DMD: variants seen among roughly 807,000 people sequenced by gnomAD.
DMD encodes mutant dystrophin.
DMD carries 63 observed loss-of-function variants against 330.1 expected under a neutral mutation model. The ratio of observed to expected loss-of-function variants is 0.19; its 90% CI spans 0.16 to 0.24. The LOEUF is 0.24. Among genes scored for constraint, DMD ranks in the 10% least tolerant of loss-of-function variants. The pLI, the probability that DMD is intolerant of heterozygous loss-of-function variation, is 1.00. For synonymous variants in DMD, 1,223 were observed against 959.8 expected (o/e 1.27, Z -5.07); for missense variants, 3,344 against 2,684.1 (o/e 1.25, Z -5.43).
intron 4 of DMD, among the ~76,000 whole-genome samples, chrX:32,836,140 T>C (rs1376596766): frequency 1.0e-4 from 11 of 109,505 alleles, no homozygotes; most frequent in African/African-American, 3.7e-4. Flanking sequence ...CAAGTGATTC[T>C]CATGCCTCAG....
At position 32,527,602 on chromosome X, in the gene DMD, G is replaced by A. The variant is rs185835522; in HGVS notation, c.2169-9471C>T. Among the ~76,000 whole-genome samples, 19 of 109,548 alleles carry A rather than the reference G, an allele frequency of 1.7e-4. No homozygotes were observed. In the East Asian group the frequency reaches 5.2e-3, roughly 30 times the overall value. ...ATGGCATTTGCTTTAAAAAAAAATC[G>A]AGTAATAGAATACAAATTCAATTTG... On this transcript the variant is annotated intron_variant, in intron 17 of 78. Coordinates refer to ENST00000357033, the MANE Select transcript of DMD (RefSeq NM_004006.3).
chrX:32,907,216 C>A (rs1684468071), intron 2 of DMD, among the ~76,000 whole-genome samples: 5 of 111,909 alleles, frequency 4.5e-5, no homozygotes, highest in Admixed American at 3.8e-4. Context: ...GTACATTATT[C>A]ATGAAACTAC....
intron 55 of DMD, among the ~76,000 whole-genome samples, chrX:31,598,312 C>T (rs1464923130): frequency 9.0e-6 from 1 of 110,661 alleles, no homozygotes; most frequent in Admixed American, 9.7e-5. Context: ...TTGGTAGAGA[C>T]GGAGTCTTGC....
rs769057970 is a variant in DMD, at chrX:32,918,813, G to A, written c.94-68993C>T. On this transcript the variant is annotated intron_variant, in intron 2 of 78. Coordinates refer to ENST00000357033, the MANE Select transcript of DMD (RefSeq NM_004006.3). The stretch of plus-strand genomic sequence containing the variant: ...TTGAAGTACACATAATTGGAATGAG[G>A]AGAAGGACATTTGGAAAATAATTAC... Among the ~76,000 whole-genome samples, 3 of 112,307 alleles carry A rather than the reference G, an allele frequency of 2.7e-5. No homozygotes were observed. In the East Asian group the frequency reaches 8.4e-4, roughly 31 times the overall value.
At chrX:32,777,276 T>TTGGGGGGGGGGGGGGTTGG in intron 7 of DMD, among the ~76,000 whole-genome samples, 1 of 506 alleles carries the variant, frequency 2.0e-3, no homozygotes, top group East Asian at 0.25. Flanking sequence ...TGGTTTCTGG[T>TTGGGGGGGGGGGGGGTTGG]TGGGGGGGGA....
intron 1 of DMD, among the ~76,000 whole-genome samples, chrX:33,065,089 G>T (rs765832175): frequency 9.0e-6 from 1 of 111,162 alleles, no homozygotes; most frequent in East Asian, 2.8e-4. Flanking sequence ...AAACTTGCTC[G>T]ATTAGGTTTG....
chrX:31,456,905 T>G, intron 59 of DMD, among the ~76,000 whole-genome samples: 1 of 101,124 alleles, frequency 9.9e-6, no homozygotes, highest in Non-Finnish European at 2.0e-5. Flanking sequence ...ATACCTATCA[T>G]CCACTGGAAA....
intron 16 of DMD, among the ~76,000 whole-genome samples, chrX:32,560,352 C>A (rs918495693): frequency 9.0e-6 from 1 of 111,173 alleles, no homozygotes; most frequent in Non-Finnish European, 1.9e-5. Context: ...TTCAACAGCA[C>A]ATGTGATTTC....
intron 1 of DMD, among the ~76,000 whole-genome samples, chrX:33,139,946 T>C (rs2047716932): frequency 9.4e-6 from 1 of 106,202 alleles, no homozygotes; most frequent in Admixed American, 1.0e-4. Flanking sequence ...ATATTTTGTA[T>C]AAATAAATCC....
chrX:32,567,388 T>TA (rs2051852880), intron 15 of DMD, among the ~76,000 whole-genome samples: 1 of 111,553 alleles, frequency 9.0e-6, no homozygotes, highest in African/African-American at 3.3e-5. Flanking sequence ...GGTTTAGCAA[T>TA]AGGTAGGTGG....
At chrX:31,631,980 G>T (rs2079156348) in intron 54 of DMD, among the ~76,000 whole-genome samples, 1 of 111,599 alleles carries the variant, frequency 9.0e-6, no homozygotes, top group African/African-American at 3.3e-5. Context: ...ACGTGCCAAA[G>T]AAAGTGTTTA....
chrX:32,419,657 A>G (rs1312593956), intron 29 of DMD, among the ~76,000 whole-genome samples: 5 of 112,386 alleles, frequency 4.4e-5, no homozygotes, highest in South Asian at 3.7e-4. Context: ...AAAACTCAAA[A>G]GCCGTGAGCA....
intron 43 of DMD, among the ~76,000 whole-genome samples, chrX:32,219,884 T>G (rs1430159434): frequency 1.8e-5 from 2 of 112,178 alleles, no homozygotes; most frequent in African/African-American, 3.2e-5. Context: ...TATTGGTAAT[T>G]GCCATCCTCT....
At position 32,615,144 on chromosome X, in the gene DMD, T is replaced by A. The variant is rs954878792; in HGVS notation, c.1332-691A>T. Among the ~76,000 whole-genome samples the A allele has an allele frequency of 2.7e-5, 3 of 111,303 alleles. No homozygotes were observed. In the South Asian group the frequency reaches 1.1e-3, roughly 42 times the overall value. On this transcript the variant is annotated intron_variant, in intron 11 of 78. Coordinates refer to ENST00000357033, the MANE Select transcript of DMD (RefSeq NM_004006.3). Reference sequence around the variant, plus strand: ...TAAAACTAGTAATATAAAAACAACCTGGCTGAGCCCTGCTTATATTCTCGG... The same window carrying A: ...TAAAACTAGTAATATAAAAACAACCAGGCTGAGCCCTGCTTATATTCTCGG...
intron 44 of DMD, among the ~76,000 whole-genome samples, chrX:32,022,926 G>C (rs1199791138): frequency 9.4e-6 from 1 of 106,604 alleles, no homozygotes; most frequent in African/African-American, 3.5e-5. Flanking sequence ...TCCGCCTCCC[G>C]GGTTCAAGTG....
chrX:31,530,001 C>A (rs970257769), intron 55 of DMD, among the ~76,000 whole-genome samples: 7 of 111,405 alleles, frequency 6.3e-5, no homozygotes, highest in African/African-American at 2.3e-4. Context: ...CTGCATCTGT[C>A]GGTAATGCAA....
intron 2 of DMD, among the ~76,000 whole-genome samples, chrX:32,885,171 T>G (rs2084398215): frequency 8.9e-6 from 1 of 112,054 alleles, no homozygotes; most frequent in Admixed American, 9.4e-5. Flanking sequence ...TAAGATGTGC[T>G]AATCTCATTA....
At chrX:32,812,239 T>C (rs1183002238) in intron 6 of DMD, among the ~76,000 whole-genome samples, 2 of 111,596 alleles carry the variant, frequency 1.8e-5, no homozygotes, top group Admixed American at 9.5e-5. Flanking sequence ...AATGGACTCC[T>C]GTTTAAGAGC....
intron 1 of DMD, among the ~76,000 whole-genome samples, chrX:33,194,453 A>C (rs2050818110): frequency 9.0e-6 from 1 of 110,943 alleles, no homozygotes; most frequent in African/African-American, 3.3e-5. Context: ...AAGATAATAC[A>C]ATAATATACA....
Sources: gnomAD v4.1 joint callset for allele counts (sites outside exome capture counted in the v4.1 genomes callset) on GRCh38, gnomAD v4.1.1 for gene constraint, MANE v1.5 for transcripts, NCBI Gene and HGNC (gene_info 2026-07-23, HGNC 2026-07-21) for gene names.